ZNF804A: variants seen among roughly 807,000 people sequenced by gnomAD.
ZNF804A encodes the protein zinc finger protein 804A.
Under a neutral mutation model 16.5 loss-of-function variants are expected in ZNF804A, and 2 were observed. That is an observed-to-expected ratio of 0.12 (90% CI 0.05 to 0.38). ZNF804A has a LOEUF of 0.38. ZNF804A is among the 10% of genes least tolerant of loss of function. ZNF804A has a pLI of 0.99. For missense variants in ZNF804A, 1,473 were observed against 1,390.7 expected, an observed-to-expected ratio of 1.06 and a Z score of -0.94; for synonymous variants, 534 against 489.6, an observed-to-expected ratio of 1.09 and a Z score of -1.20.
chr2:184,907,841 G>C (rs1685300502), intron 2 of ZNF804A, among the ~76,000 whole-genome samples: 1 of 151,950 alleles, frequency 6.6e-6, no homozygotes, highest in East Asian at 1.9e-4. Flanking sequence ...TTTTTATTTT[G>C]ATTTTCCAAA....
At chr2:184,801,583 T>G (rs1331480288) in intron 1 of ZNF804A, among the ~76,000 whole-genome samples, 1 of 152,206 alleles carries the variant, frequency 6.6e-6, no homozygotes, top group Non-Finnish European at 1.5e-5. Context: ...CTATTGATGA[T>G]CTCTCCAAAG....
At chr2:184,912,056 G>A (rs914999958) in intron 2 of ZNF804A, among the ~76,000 whole-genome samples, 9 of 151,784 alleles carry the variant, frequency 5.9e-5, no homozygotes, top group Admixed American at 1.3e-4. Flanking sequence ...ACAAATCAGC[G>A]ACAGTACATT....
chr2:184,659,024 G>A (rs774138702), intron 1 of ZNF804A, among the ~76,000 whole-genome samples: 4 of 152,090 alleles, frequency 2.6e-5, no homozygotes, highest in Non-Finnish European at 5.9e-5. Flanking sequence ...ATAAAGGAAG[G>A]AGTGGCTTAA....
At chr2:184,752,843 G>T (rs546141793) in intron 1 of ZNF804A, among the ~76,000 whole-genome samples, 19 of 151,598 alleles carry the variant, frequency 1.3e-4, no homozygotes, top group South Asian at 8.3e-4. Context: ...ACAAAGAAAT[G>T]ATCAACGGGC....
At chr2:184,857,132 G>A (rs549377772) in intron 1 of ZNF804A, among the ~76,000 whole-genome samples, 1 of 151,858 alleles carries the variant, frequency 6.6e-6, no homozygotes, top group South Asian at 2.1e-4. Context: ...TCTTTGGATT[G>A]CTTTCGTTGC....
At position 184,938,402 on chromosome 2, in the gene ZNF804A, A is replaced by G. The variant is rs887514747; in HGVS notation, c.3006A>G (p.Gln1002=). The G allele has an allele frequency of 2.5e-6, 4 of 1,614,022 alleles. No homozygotes were observed. The highest frequency in any genetic ancestry group is 3.4e-6 in the Non-Finnish European group (4 of 1,179,996). Residue 1002 remains glutamine, a synonymous_variant, in exon 4 of 4, where the codon CAA becomes CAG. Transcript: ENST00000302277. ...ATAATTCAGGAATCCTTAACACACA[A>G]CCACCATTACCATTCAAAGAAGCAC... ...LRYNSGILNT[Q]PPLPFKEAHV... is the part of the protein sequence containing the mutation.
intron 1 of ZNF804A, among the ~76,000 whole-genome samples, chr2:184,609,893 A>G (rs890290552): frequency 1.2e-4 from 18 of 152,158 alleles, no homozygotes; most frequent in Non-Finnish European, 2.5e-4. Flanking sequence ...ACACCTAAAG[A>G]ATGAAAAGTA....
chr2:184,727,576 AT>A (rs1325310141), intron 1 of ZNF804A, among the ~76,000 whole-genome samples: 7 of 151,626 alleles, frequency 4.6e-5, no homozygotes, highest in Non-Finnish European at 8.9e-5. Flanking sequence ...CTTATAAATA[AT>A]TTTTAACTAT....
intron 1 of ZNF804A, among the ~76,000 whole-genome samples, chr2:184,825,785 A>G (rs1185406457): frequency 2.4e-4 from 37 of 152,152 alleles, no homozygotes; most frequent in Non-Finnish European, 1.8e-4. Flanking sequence ...TAATGAATGG[A>G]ATATATATTA....
At chr2:184,800,122 T>C (rs931280885) in intron 1 of ZNF804A, among the ~76,000 whole-genome samples, 2 of 152,156 alleles carry the variant, frequency 1.3e-5, no homozygotes, top group Non-Finnish European at 2.9e-5. Flanking sequence ...TGATTACTAG[T>C]GATGACCTCT....
At chr2:184,765,782 A>G (rs2105765818) in intron 1 of ZNF804A, among the ~76,000 whole-genome samples, 1 of 152,236 alleles carries the variant, frequency 6.6e-6, no homozygotes. Context: ...AGAGACTGAA[A>G]CTGAAAGTTA....
intron 2 of ZNF804A, among the ~76,000 whole-genome samples, chr2:184,916,437 C>T (rs1324131036): frequency 6.6e-6 from 1 of 152,098 alleles, no homozygotes; most frequent in African/African-American, 2.4e-5. Flanking sequence ...TTTTACATAT[C>T]ATATGAGGAG....
At chr2:184,766,595 T>A (rs530435856) in intron 1 of ZNF804A, among the ~76,000 whole-genome samples, 1 of 151,306 alleles carries the variant, frequency 6.6e-6, no homozygotes. Context: ...GCGATATGAC[T>A]GTCTTGTAAA....
At chr2:184,669,768 A>ACACACG (rs59149021) in intron 1 of ZNF804A, among the ~76,000 whole-genome samples, 1 of 151,016 alleles carries the variant, frequency 6.6e-6, no homozygotes, top group African/African-American at 2.4e-5. Flanking sequence ...ACACACGCAC[A>ACACACG]CACACACACA....
At chr2:184,759,885 A>G (rs956737301) in intron 1 of ZNF804A, among the ~76,000 whole-genome samples, 10 of 152,048 alleles carry the variant, frequency 6.6e-5, no homozygotes, top group Non-Finnish European at 1.2e-4. Context: ...CAAATCCTAT[A>G]AAACAGCCCC....
chr2:184,783,946 C>T (rs1333130796), intron 1 of ZNF804A, among the ~76,000 whole-genome samples: 1 of 151,990 alleles, frequency 6.6e-6, no homozygotes, highest in Non-Finnish European at 1.5e-5. Context: ...ACAATCACCA[C>T]ATTTAGATTG....
chr2:184,783,902 C>T (rs1037140822), intron 1 of ZNF804A, among the ~76,000 whole-genome samples: 4 of 151,890 alleles, frequency 2.6e-5, no homozygotes, highest in Non-Finnish European at 4.4e-5. Flanking sequence ...GCTCATTCTT[C>T]GGAAGTATTG....
rs560995176 is a variant in ZNF804A at position 184,678,984 on chromosome 2, A to G, written c.111+79914A>G. The stretch of plus-strand genomic sequence containing the variant: ...AAACCATACATATTATTATAAATAT[A>G]TAGTGAGACTCGGTTATAAAATACC... On this transcript the variant is annotated intron_variant, in intron 1 of 3. Coordinates refer to ENST00000302277, the MANE Select transcript of ZNF804A (RefSeq NM_194250.2). 1.5e-3 allele frequency among the ~76,000 whole-genome samples: 222 copies of G among 152,340 alleles called. 1 individual carries two copies. The highest frequency in any genetic ancestry group is 4.8e-3 in the African/African-American group (201 of 41,584).
chr2:184,924,245 G>A (rs1000169978), intron 2 of ZNF804A, among the ~76,000 whole-genome samples: 2 of 151,758 alleles, frequency 1.3e-5, no homozygotes, highest in South Asian at 2.1e-4. Context: ...CTTCCATCTC[G>A]TTACTTGTTA....
Sources: gnomAD v4.1 joint callset for allele counts (sites outside exome capture counted in the v4.1 genomes callset) on GRCh38, gnomAD v4.1.1 for gene constraint, MANE v1.5 for transcripts, NCBI Gene and HGNC (gene_info 2026-07-23, HGNC 2026-07-21) for gene names.